The following SACM1L variants were observed in gnomAD, a reference collection of about 807,000 sequenced individuals.
The protein encoded by SACM1L is SAC1 like phosphatidylinositide phosphatase, also known as phosphatidylinositol-3-phosphatase SAC1.
SACM1L carries 32 observed loss-of-function variants against 89.5 expected under a neutral mutation model. That is an observed-to-expected ratio of 0.36 (90% CI 0.27 to 0.48). The LOEUF (loss-of-function observed/expected upper bound fraction) is 0.48, where lower values mean the gene tolerates loss of function less well. Ranked by LOEUF, SACM1L falls within the 20% of genes least tolerant of loss-of-function variation. The probability of loss-of-function intolerance (pLI) is 0.99; values close to 1 mark genes in which losing one functional copy is unlikely to be tolerated. For missense variants in SACM1L, 543 were observed against 708.5 expected, an observed-to-expected ratio of 0.77 and a Z score of 2.65; for synonymous variants, 213 against 232.8, an observed-to-expected ratio of 0.92 and a Z score of 0.77.
At chr3:45,711,066 A>G (rs992578074) in intron 5 of SACM1L, among the ~76,000 whole-genome samples, 2 of 152,210 alleles carry the variant, frequency 1.3e-5, no homozygotes, top group African/African-American at 4.8e-5. Context: ...AATGGTTGCT[A>G]TAATGGTGAT....
intron 1 of SACM1L, chr3:45,689,773 C>T (rs906941857): frequency 1.4e-5 from 8 of 580,662 alleles, no homozygotes; most frequent in South Asian, 8.3e-5. Flanking sequence ...GAGCCGGGGT[C>T]GGCGTTATGA....
In SACM1L at chr3:45,703,509, G is replaced by A. The variant is rs907922200; in HGVS notation, c.104G>A (p.Arg35His). The change falls in exon 2 of 20, where the codon CGT becomes CAT. Residue 35 changes from arginine to histidine, a missense_variant. Physicochemically the swap from Arg to His is conservative, Grantham distance 29 (BLOSUM62 0). This residue lies in a region of SACM1L where 173 missense variants were observed against 180.9 expected (regional missense o/e 0.96). Transcript: ENST00000389061. ...GCAGATGACGTACTTACCATTGACC[G>A]TGTGTCCACAGAGGTTACCCTTGCA... ...DGADDVLTIDRVSTEVTLAVK... is the reference protein window; with the variant it reads ...DGADDVLTIDHVSTEVTLAVK... 16 of 1,612,492 alleles carry A rather than the reference G, an allele frequency of 9.9e-6. No homozygotes were observed. Among genetic ancestry groups the A allele is most frequent in the African/African-American group, 5.3e-5 (4 of 74,850 alleles).
intron 14 of SACM1L, chr3:45,737,368 C>T (rs1168444974): frequency 5.2e-5 from 30 of 574,858 alleles, no homozygotes; most frequent in Admixed American, 2.8e-4. Context: ...AGTGCGGGGG[C>T]TGCAAGGCAA....
chr3:45,714,169 C>A, intron 7 of SACM1L, 90 bp downstream of exon 7: 2 of 636,552 alleles, frequency 3.1e-6, no homozygotes, highest in Non-Finnish European at 5.1e-6. Context: ...TCAAATACTC[C>A]ATAAGGAGAG....
chr3:45,715,729 G>A (rs557813067), intron 7 of SACM1L, among the ~76,000 whole-genome samples: 3 of 150,876 alleles, frequency 2.0e-5, no homozygotes, highest in African/African-American at 2.4e-5. Flanking sequence ...AGCCGAGATC[G>A]TGCCACTGCA....
intron 6 of SACM1L, 135 bp from the exon 7 acceptor site, chr3:45,713,911 C>G (rs952779736): frequency 1.0e-5 from 4 of 395,232 alleles, no homozygotes; most frequent in African/African-American, 8.4e-5. Context: ...TTAGAGAAAT[C>G]TTTTAAAAAT....
intron 1 of SACM1L, among the ~76,000 whole-genome samples, chr3:45,698,086 TAG>T (rs1181949675): frequency 6.6e-6 from 1 of 152,234 alleles, no homozygotes; most frequent in Non-Finnish European, 1.5e-5. Context: ...GTTTAAATGC[TAG>T]AGAGTTAAAG....
chr3:45,743,557 C>T lies in SACM1L; in HGVS notation c.1652C>T (p.Ala551Val), dbSNP rs760890872. 6.2e-7 allele frequency: 1 copy of T among 1,613,092 alleles called. No individual in the cohort carries two copies. Among genetic ancestry groups the T allele is most frequent in the East Asian group, 2.2e-5 (1 of 44,842 alleles). Reference sequence around the variant, plus strand: ...GGTGACACTTGGACAGAAACACTGGCCTATGTGCTCTTCTGGGGAGTTGCA... The same window carrying T: ...GGTGACACTTGGACAGAAACACTGGTCTATGTGCTCTTCTGGGGAGTTGCA... ...MAGDTWTETL[A>V]YVLFWGVASI... Residue 551 changes from alanine (A) to valine (V), a missense_variant, in exon 20 of 20, where the codon GCC (alanine) becomes GTC (valine). This residue lies in a region of SACM1L where 370 missense variants were observed against 527.6 expected (regional missense o/e 0.70). Transcript: ENST00000389061.
intron 9 of SACM1L, among the ~76,000 whole-genome samples, chr3:45,722,315 A>G (rs1291086849): frequency 6.6e-6 from 1 of 151,958 alleles, no homozygotes; most frequent in African/African-American, 2.4e-5. Context: ...GTAGGCTAGG[A>G]GGTGCGAAGA....
At chr3:45,697,629 G>A (rs748382438) in intron 1 of SACM1L, among the ~76,000 whole-genome samples, 2 of 152,068 alleles carry the variant, frequency 1.3e-5, no homozygotes, top group Non-Finnish European at 2.9e-5. Context: ...GCAAAATGAC[G>A]AACTGAATGA....
At chr3:45,732,654 T>A (rs1699101599) in intron 13 of SACM1L, among the ~76,000 whole-genome samples, 1 of 152,242 alleles carries the variant, frequency 6.6e-6, no homozygotes, top group South Asian at 2.1e-4. Context: ...ATATATATTT[T>A]ACATCTGTTA....
chr3:45,706,983 T>G, intron 4 of SACM1L, 76 bp downstream of exon 4: 1 of 1,371,872 alleles, frequency 7.3e-7, no homozygotes, highest in Non-Finnish European at 1.0e-6. Context: ...GTGAGGGTGT[T>G]GTGGAATACA....
rs1351710730 is a variant in SACM1L at position 45,701,545 on chromosome 3, G to A, written c.33-1893G>A. ...TAAAAAAAATGGCTTAAGACTAGAT[G>A]TCTCGAATTTCTTTATATTTCTTTG... On this transcript the variant is annotated intron_variant, in intron 1 of 19. Coordinates refer to ENST00000389061, the MANE Select transcript of SACM1L (RefSeq NM_014016.5). Among the ~76,000 whole-genome samples, 8 of 152,278 alleles carry A rather than the reference G, an allele frequency of 5.3e-5. 1 individual carries two copies. The highest frequency in any genetic ancestry group is 2.4e-5 in the African/African-American group (1 of 41,560).
At chr3:45,698,895 C>T (rs926588494) in intron 1 of SACM1L, among the ~76,000 whole-genome samples, 3 of 151,976 alleles carry the variant, frequency 2.0e-5, no homozygotes, top group Non-Finnish European at 4.4e-5. Flanking sequence ...CTCAGCCTCC[C>T]GAGTAGCTGG....
chr3:45,738,744 C>G, intron 17 of SACM1L, 37 bp from the exon 18 acceptor site: 1 of 1,535,768 alleles, frequency 6.5e-7, no homozygotes, highest in Non-Finnish European at 9.0e-7. Flanking sequence ...AATGTTATCT[C>G]ACACTGAGTT....
At chr3:45,738,727 C>A in intron 17 of SACM1L, 54 bp from the exon 18 acceptor site, 1 of 1,509,428 alleles carries the variant, frequency 6.6e-7, no homozygotes, top group Non-Finnish European at 9.2e-7. Flanking sequence ...TTGCATTGTT[C>A]ATCACTAATG....
intron 8 of SACM1L, among the ~76,000 whole-genome samples, chr3:45,720,281 T>C (rs1447186767): frequency 1.3e-5 from 2 of 152,228 alleles, no homozygotes; most frequent in Non-Finnish European, 2.9e-5. Context: ...AAAATTAAAG[T>C]TAGCAACTCT....
In SACM1L at chr3:45,689,413, G is replaced by GGCGGC; in HGVS notation, c.-48_-44dup. 6.4e-7 allele frequency: 1 copy of GGCGGC among 1,556,308 alleles called. No individual in the cohort carries two copies. Among genetic ancestry groups the GGCGGC allele is most frequent in the Non-Finnish European group, 8.7e-7 (1 of 1,150,280 alleles). On this transcript the variant is annotated 5_prime_UTR_variant, in exon 1 of 20. Transcript: ENST00000389061. ...TGACCGGTAGAGTTGTAGCCGAGGT[G>GGCGGC]GCGGCGCGGGGCGGGGCGGGCGGAG...
chr3:45,696,626 C>T (rs1698134574), intron 1 of SACM1L, among the ~76,000 whole-genome samples: 1 of 151,996 alleles, frequency 6.6e-6, no homozygotes, highest in South Asian at 2.1e-4. Context: ...CTAGCCAACA[C>T]TCGTTATTTT....
Sources: gnomAD v4.1 joint callset for allele counts (sites outside exome capture counted in the v4.1 genomes callset) on GRCh38, gnomAD v4.1.1 for gene constraint, gnomAD v4.1.1 regional missense constraint, MANE v1.5 for transcripts, NCBI Gene and HGNC (gene_info 2026-07-23, HGNC 2026-07-21) for gene names.